ZYG11B: variants seen among roughly 807,000 people sequenced by gnomAD.
The protein encoded by ZYG11B is zyg-11 family member B, cell cycle regulator.
A neutral mutation model predicts 82.4 loss-of-function variants in ZYG11B; 36 were observed. That is an observed-to-expected ratio of 0.44 (90% CI 0.33 to 0.58). ZYG11B has a LOEUF of 0.58. Among genes scored for constraint, ZYG11B ranks in the 20% least tolerant of loss-of-function variants. The pLI, the probability that ZYG11B is intolerant of heterozygous loss-of-function variation, is 0.02. For missense variants in ZYG11B, 552 were observed against 895.6 expected (o/e 0.62, Z 4.90); for synonymous variants, 303 against 312.8 (o/e 0.97, Z 0.33).
intron 3 of ZYG11B, 94 bp from the exon 4 acceptor site, chr1:52,779,759 G>A (rs1644839727): frequency 6.7e-7 from 1 of 1,500,092 alleles, no homozygotes; most frequent in Non-Finnish European, 9.0e-7. Context: ...CAAAGTACTG[G>A]GATTACAGGC....
chr1:52,811,847 G>A (rs1479804701), intron 10 of ZYG11B, among the ~76,000 whole-genome samples: 3 of 152,154 alleles, frequency 2.0e-5, no homozygotes, highest in South Asian at 2.1e-4. Context: ...TGGCTAACAT[G>A]GTGAAACCCC....
In ZYG11B at chr1:52,726,595, G is replaced by C. The variant is rs940714079; in HGVS notation, c.-59G>C. On this transcript the variant is annotated 5_prime_UTR_variant, in exon 1 of 14. Coordinates refer to ENST00000294353, the MANE Select transcript of ZYG11B (RefSeq NM_024646.3). ...CGGAGCCTCCTGGAGCCTCCGCGCC[G>C]GCTCAGCCTGGGGGCGGGCTCCGGT... 2 of 1,371,016 alleles carry C rather than the reference G, an allele frequency of 1.5e-6. No individual in the cohort carries two copies. Among genetic ancestry groups the C allele is most frequent in the South Asian group, 1.7e-5 (1 of 58,822 alleles). The allele number at this position is 1,371,016 out of a possible 1,614,324, so 84.9% of individuals were successfully genotyped here.
intron 8 of ZYG11B, among the ~76,000 whole-genome samples, chr1:52,799,663 T>TCCA (rs1005201321): frequency 6.6e-6 from 1 of 151,262 alleles, no homozygotes. Flanking sequence ...GGTGTGGTGG[T>TCCA]ACGCATCTGT....
intron 10 of ZYG11B, among the ~76,000 whole-genome samples, chr1:52,807,260 C>G (rs948022540): frequency 2.0e-5 from 3 of 151,930 alleles, no homozygotes; most frequent in Non-Finnish European, 4.4e-5. Flanking sequence ...CCTCGGCCTC[C>G]CAAAGTGCTG....
At chr1:52,735,229 A>C (rs6699661) in intron 1 of ZYG11B, among the ~76,000 whole-genome samples, 1 of 151,410 alleles carries the variant, frequency 6.6e-6, no homozygotes, top group East Asian at 2.0e-4. Flanking sequence ...GGGTTTCTCC[A>C]TGTTGGTCAG....
chr1:52,795,302 A>T lies in ZYG11B; in HGVS notation c.1335-990A>T, dbSNP rs1336582371. 3.3e-5 allele frequency among the ~76,000 whole-genome samples: 5 copies of T among 151,986 alleles called. No individual in the cohort carries two copies. The East Asian group carries it at 9.6e-4, about 29-fold the overall frequency. ...GTAGGATGTGCCAGTCTCGCCTTCC[A>T]CCATGATTGCAAGTTTCCTGAGGCC... On this transcript the variant is annotated intron_variant, in intron 6 of 13. Transcript: ENST00000294353.
intron 10 of ZYG11B, among the ~76,000 whole-genome samples, chr1:52,807,672 G>A (rs1645152397): frequency 6.6e-6 from 1 of 151,622 alleles, no homozygotes; most frequent in African/African-American, 2.4e-5. Context: ...TTAAATTTTT[G>A]TAGAGATGGG....
At chr1:52,782,618 C>T (rs1210310575) in intron 4 of ZYG11B, among the ~76,000 whole-genome samples, 1 of 151,982 alleles carries the variant, frequency 6.6e-6, no homozygotes, top group Non-Finnish European at 1.5e-5. Flanking sequence ...CACTCTGTCA[C>T]CCAGGCTGAA....
chr1:52,777,417 A>G (rs1227845731), intron 3 of ZYG11B, among the ~76,000 whole-genome samples: 1 of 152,042 alleles, frequency 6.6e-6, no homozygotes, highest in Non-Finnish European at 1.5e-5. Flanking sequence ...CATTTCCTCA[A>G]AGCTGCATAT....
At chr1:52,753,702 T>C (rs1296543747) in intron 1 of ZYG11B, among the ~76,000 whole-genome samples, 1 of 152,138 alleles carries the variant, frequency 6.6e-6, no homozygotes, top group Non-Finnish European at 1.5e-5. Flanking sequence ...GTGCAAGCGA[T>C]TCTCCTGCCT....
chr1:52,743,181 C>T (rs1166118541), intron 1 of ZYG11B, among the ~76,000 whole-genome samples: 2 of 151,678 alleles, frequency 1.3e-5, no homozygotes, highest in African/African-American at 4.8e-5. Context: ...GGGAAGTAGA[C>T]GTAGGAGACT....
chr1:52,782,580 T>A (rs1419745962), intron 4 of ZYG11B, among the ~76,000 whole-genome samples: 1 of 151,694 alleles, frequency 6.6e-6, no homozygotes, highest in Non-Finnish European at 1.5e-5. Flanking sequence ...AAAAATAAAT[T>A]TATTTATTTA....
chr1:52,742,955 G>A (rs1392124161), intron 1 of ZYG11B, among the ~76,000 whole-genome samples: 1 of 151,372 alleles, frequency 6.6e-6, no homozygotes, highest in East Asian at 1.9e-4. Context: ...CCCCCGCCCG[G>A]CCAGCCGCCC....
At position 52,772,779 on chromosome 1, in the gene ZYG11B, G is replaced by A. The variant is rs1644766431; in HGVS notation, c.951+1005G>A. The A allele has an allele frequency of 2.7e-5, 15 of 564,130 alleles. No homozygotes were observed. The South Asian group carries it at 3.0e-4, about 11-fold the overall frequency. The allele number at this position is 564,130 out of a possible 1,614,324, so 34.9% of individuals were successfully genotyped here. ...TGCAAGCTCTGCCTCCCGGGTTCAC[G>A]CCATTCTTCTGCCTCAGTCCCCTGA... On this transcript the variant is annotated intron_variant, in intron 3 of 13. Transcript: ENST00000294353.
rs115509211 is a variant in ZYG11B at position 52,800,136 on chromosome 1, C to T, written c.1486-1683C>T. ...AATAAAAAAAAAAAAATTAGCTGGG[C>T]TTGGTGACATGCACCTGTGGTCTCA... On this transcript the variant is annotated intron_variant, in intron 8 of 13. Transcript: ENST00000294353. Among the ~76,000 whole-genome samples the T allele has an allele frequency of 4.5e-3, 680 of 151,774 alleles. 6 individuals are homozygous for T. The highest frequency in any genetic ancestry group is 0.016 in the African/African-American group (652 of 41,428).
At chr1:52,816,756 C>A in intron 13 of ZYG11B, 127 bp downstream of exon 13, 9 of 502,468 alleles carry the variant, frequency 1.8e-5, no homozygotes, top group Non-Finnish European at 2.9e-5. Context: ...GTAAGGCCAT[C>A]TTAGGTTATA....
intron 13 of ZYG11B, among the ~76,000 whole-genome samples, chr1:52,819,478 C>T (rs1645262445): frequency 6.6e-6 from 1 of 152,064 alleles, no homozygotes; most frequent in Admixed American, 6.5e-5. Context: ...GAAAATAAAA[C>T]ATAATAAGTA....
At chr1:52,819,652 T>C (rs989212208) in intron 13 of ZYG11B, among the ~76,000 whole-genome samples, 6 of 151,786 alleles carry the variant, frequency 4.0e-5, no homozygotes, top group African/African-American at 1.2e-4. Flanking sequence ...CTGTGGGTTG[T>C]GGCACACATC....
Position 52,805,091 on chromosome 1 carries a change from CAAAAA to C in ZYG11B, c.1695+2971_1695+2975del, listed in dbSNP as rs57893615. On this transcript the variant is annotated intron_variant, in intron 10 of 13. Transcript: ENST00000294353. ...GGGCAACAAGAGCAAAACTCTGTCT[CAAAAA>C]AAAAAAAAAAAAAAAAAATGGAACA... 176 of 112,306 alleles carry C rather than the reference CAAAAA, an allele frequency of 1.6e-3. 1 individual carries two copies. Among genetic ancestry groups the C allele is most frequent in the South Asian group, 2.9e-3 (10 of 3,506 alleles). The allele number at this position is 112,306 out of a possible 1,614,324, so 7.0% of individuals were successfully genotyped here.
Sources: allele counts gnomAD v4.1 joint callset (sites outside exome capture counted in the v4.1 genomes callset), GRCh38; gene constraint gnomAD v4.1.1; transcripts MANE v1.5; gene names NCBI Gene and HGNC (gene_info 2026-07-23, HGNC 2026-07-21).